Variants in ZNF732 observed in about 807,000 individuals in gnomAD.
The protein encoded by ZNF732 is zinc finger protein LOC654254.
ZNF732 carries 12 observed loss-of-function variants against 11.5 expected under a neutral mutation model. That is an observed-to-expected ratio of 1.05 (90% CI 0.67 to 1.70). ZNF732 has a LOEUF of 1.70. Ranked by LOEUF, ZNF732 falls within the 40% of genes most tolerant of loss-of-function variation. The pLI is 0.00. For synonymous variants in ZNF732, 231 were observed against 236.5 expected (o/e 0.98, Z 0.21); for missense variants, 702 against 676.9 (o/e 1.04, Z -0.41).
At chr4:280,294 G>A (rs1467822217) in intron 3 of ZNF732, among the ~76,000 whole-genome samples, 84 of 142,684 alleles carry the variant, frequency 5.9e-4, no homozygotes, top group Non-Finnish European at 6.8e-4. Context: ...ACAGCAGTAA[G>A]AAAAAAAAAA....
intron 3 of ZNF732, among the ~76,000 whole-genome samples, chr4:283,182 G>A (rs1719652015): frequency 6.6e-6 from 1 of 152,122 alleles, no homozygotes. Context: ...TTGTGATGTG[G>A]AAATATGATT....
At position 299,437 on chromosome 4, in the gene ZNF732, A is replaced by ATATATATACATACACATATGTG. The variant is rs1720046169; in HGVS notation, c.4-3283_4-3282insCACATATGTGTATGTATATATA. ...TATACACATATATACACATATGTGT[A>ATATATATACATACACATATGTG]TATATATATATATACACATATGTGT... On this transcript the variant is annotated intron_variant, in intron 1 of 3. Transcript: ENST00000419098. Among the ~76,000 whole-genome samples the ATATATATACATACACATATGTG allele has an allele frequency of 5.9e-4, 7 of 11,920 alleles. No individual in the cohort carries two copies. In the East Asian group the frequency reaches 9.8e-3, roughly 17 times the overall value. The allele number at this position is 11,920 out of a possible 152,430, so 7.8% of individuals were successfully genotyped here. A position where few individuals can be genotyped will look rare whatever the true frequency, so the allele number is the denominator to read the frequency against.
intron 1 of ZNF732, among the ~76,000 whole-genome samples, chr4:303,726 G>A (rs1192760427): frequency 6.6e-6 from 1 of 152,198 alleles, no homozygotes; most frequent in Non-Finnish European, 1.5e-5. Context: ...TCTAATTTGG[G>A]TTTGCTCCTG....
At chr4:297,626 A>AG (rs1553842614) in intron 1 of ZNF732, among the ~76,000 whole-genome samples, 44 of 151,796 alleles carry the variant, frequency 2.9e-4, no homozygotes, top group African/African-American at 8.9e-4. Context: ...AAAAAAAAAA[A>AG]AAAAAACTGC....
chr4:283,520 A>G (rs1719658518), intron 3 of ZNF732, among the ~76,000 whole-genome samples: 1 of 152,118 alleles, frequency 6.6e-6, no homozygotes, highest in Admixed American at 6.5e-5. Flanking sequence ...CCACAAAAAA[A>G]AAAACTTCAT....
intron 1 of ZNF732, among the ~76,000 whole-genome samples, chr4:296,628 T>C (rs1301863816): frequency 3.3e-5 from 5 of 151,402 alleles, no homozygotes; most frequent in Admixed American, 1.3e-4. Context: ...GTCACTTAGC[T>C]AAGCGCTGCC....
In ZNF732 at chr4:271,205, A is replaced by G; in HGVS notation, c.1652T>C (p.Ile551Thr). 5.1e-6 allele frequency: 8 copies of G among 1,555,556 alleles called. No individual in the cohort carries two copies. Among genetic ancestry groups the G allele is most frequent in the Non-Finnish European group, 7.0e-6 (8 of 1,149,034 alleles). Residue 551 changes from isoleucine (I) to threonine (T), a missense_variant, in exon 4 of 4, where the codon ATT (isoleucine) becomes ACT (threonine). Coordinates refer to ENST00000419098, the MANE Select transcript of ZNF732 (RefSeq NM_001137608.3). The part of the protein sequence containing the change: ...RSRVLNKYKT[I>T]HTGDKTPKCK... ...TTTGGGGGTTTTATCTCCAGTATGA[A>G]TTGTCTTATATTTATTCAGGACTCT...
intron 1 of ZNF732, among the ~76,000 whole-genome samples, chr4:296,618 GTCACTTAGCTAAGCGCTGCCTC>G (rs541997023): frequency 2.6e-3 from 401 of 152,304 alleles, no homozygotes; most frequent in Middle Eastern, 0.01. Context: ...TGGGCTGAGA[GTCACTTAGCTAAGCGCTGCCTC>G]TCAAGCTTCA....
chr4:271,172 C>G lies in ZNF732; in HGVS notation c.1685G>C (p.Gly562Ala), dbSNP rs190383880. ...HTGDKTPKCK[G>A]CGKAFKWSSY... ...GGACCACTTAAAGGCTTTGCCACAT[C>G]CTTTACATTTGGGGGTTTTATCTCC... The change falls in exon 4 of 4, where the codon GGA (glycine) becomes GCA (alanine). Residue 562 changes from glycine to alanine, a missense_variant. Transcript: ENST00000419098. 1 of 1,552,630 alleles carries G rather than the reference C, an allele frequency of 6.4e-7. No homozygotes were observed. The highest frequency in any genetic ancestry group is 8.7e-7 in the Non-Finnish European group (1 of 1,147,872).
At chr4:278,128 C>A (rs1389022983) in intron 3 of ZNF732, among the ~76,000 whole-genome samples, 1 of 152,102 alleles carries the variant, frequency 6.6e-6, no homozygotes, top group Non-Finnish European at 1.5e-5. Context: ...TACACTGAGA[C>A]AAATACAAAA....
At chr4:301,150 A>G (rs1415827478) in intron 1 of ZNF732, among the ~76,000 whole-genome samples, 1 of 152,244 alleles carries the variant, frequency 6.6e-6, no homozygotes, top group Non-Finnish European at 1.5e-5. Flanking sequence ...AGAAAATGCA[A>G]ATCAAAACCA....
chr4:298,899 T>G lies in ZNF732; in HGVS notation c.4-2744A>C, dbSNP rs922690151. Among the ~76,000 whole-genome samples the G allele has an allele frequency of 9.3e-4, 142 of 152,192 alleles. 3 individuals carry two copies. Among genetic ancestry groups the G allele is most frequent in the Admixed American group, 9.2e-3 (140 of 15,268 alleles). Reference sequence around the variant, plus strand: ...AGGTGCTTTTTTACACTTAACAGATTCTGCCACAGGATTCTTCTGTTCCCA... The same window carrying G: ...AGGTGCTTTTTTACACTTAACAGATGCTGCCACAGGATTCTTCTGTTCCCA... On this transcript the variant is annotated intron_variant, in intron 1 of 3. Coordinates refer to ENST00000419098, the MANE Select transcript of ZNF732 (RefSeq NM_001137608.3).
intron 1 of ZNF732, among the ~76,000 whole-genome samples, chr4:304,950 G>A (rs1210548000): frequency 6.6e-6 from 1 of 152,226 alleles, no homozygotes; most frequent in East Asian, 1.9e-4. Context: ...TTTTGATAGG[G>A]CCTCGATCTT....
At chr4:276,506 T>TA (rs1426680361) in intron 3 of ZNF732, among the ~76,000 whole-genome samples, 2 of 151,968 alleles carry the variant, frequency 1.3e-5, no homozygotes, top group African/African-American at 2.4e-5. Context: ...TATCTATACC[T>TA]AATTTGTTGA....
chr4:294,357 A>AG (rs1719903300), intron 3 of ZNF732, among the ~76,000 whole-genome samples: 1 of 152,230 alleles, frequency 6.6e-6, no homozygotes. Context: ...GAATCTATCA[A>AG]CAATGTAAGA....
Position 272,561 on chromosome 4 carries a change from A to G in ZNF732, c.296T>C (p.Ile99Thr), listed in dbSNP as rs782626157. 2.9e-5 allele frequency: 46 copies of G among 1,595,756 alleles called. No individual in the cohort carries two copies. Among genetic ancestry groups the G allele is most frequent in the African/African-American group, 1.9e-4 (14 of 73,964 alleles). ...QGIEDSFHKL[I>T]LRRYEKCGHE... is the part of the protein sequence containing the mutation. ...TCCACATTTCTCATATCTTCTTAAT[A>G]TAAGTTTGTGGAACGAATCTTCTAT... Residue 99 changes from isoleucine to threonine, a missense_variant, in exon 4 of 4, where the codon ATA becomes ACA. By Grantham distance (89) the Ile-to-Thr change is moderately conservative (BLOSUM62 -1). Coordinates refer to ENST00000419098, the MANE Select transcript of ZNF732 (RefSeq NM_001137608.3).
At chr4:278,970 G>T (rs987846422) in intron 3 of ZNF732, among the ~76,000 whole-genome samples, 8 of 152,106 alleles carry the variant, frequency 5.3e-5, no homozygotes, top group African/African-American at 1.9e-4. Flanking sequence ...TTTGCTTATT[G>T]TATCATTTGC....
At chr4:284,798 G>A (rs185101333) in intron 3 of ZNF732, among the ~76,000 whole-genome samples, 1,963 of 148,692 alleles carry the variant, frequency 0.013, 24 homozygotes, top group Middle Eastern at 0.066. Flanking sequence ...TTGAACCCAG[G>A]AGGCGGAGGT....
At chr4:277,646 A>G (rs1260984723) in intron 3 of ZNF732, among the ~76,000 whole-genome samples, 1 of 152,076 alleles carries the variant, frequency 6.6e-6, no homozygotes, top group Non-Finnish European at 1.5e-5. Flanking sequence ...GAAACACGGT[A>G]AAACTGTAAG....
Sources: gnomAD v4.1 joint callset for allele counts (sites outside exome capture counted in the v4.1 genomes callset) on GRCh38, gnomAD v4.1.1 for gene constraint, MANE v1.5 for transcripts, NCBI Gene and HGNC (gene_info 2026-07-23, HGNC 2026-07-21) for gene names.